RFX7: variants seen among roughly 807,000 people sequenced by gnomAD.
RFX7 encodes regulatory factor X7.
In RFX7, 26 loss-of-function variants were observed where a neutral mutation model predicts 111.8. The observed-to-expected ratio is 0.23, with a 90% CI of 0.17 to 0.32. RFX7 has a LOEUF of 0.32. Ranked by LOEUF, RFX7 falls within the 10% of genes least tolerant of loss-of-function variation. The pLI is 1.00. For synonymous variants in RFX7, 624 were observed against 624.4 expected (o/e 1.00, Z 0.01); for missense variants, 1,573 against 1,772.9 (o/e 0.89, Z 2.02).
At chr15:56,160,766 A>G (rs988028601) in intron 3 of RFX7, 3 of 152,062 alleles carry the variant, frequency 2.0e-5, no homozygotes, top group Admixed American at 2.0e-4. Context: ...GGATTGAGTA[A>G]GGAAGATAGA....
chr15:56,109,770 C>T (rs2041886227), intron 5 of RFX7, among the ~76,000 whole-genome samples: 2 of 151,382 alleles, frequency 1.3e-5, no homozygotes, highest in South Asian at 4.2e-4. Flanking sequence ...CTCTGCCTGG[C>T]AACCGCCCTG....
At chr15:56,135,283 CCTGA>C (rs1438146479) in intron 5 of RFX7, among the ~76,000 whole-genome samples, 2 of 151,870 alleles carry the variant, frequency 1.3e-5, no homozygotes, top group Non-Finnish European at 2.9e-5. Context: ...CCTGTTGTTT[CCTGA>C]CTTTTTAATG....
chr15:56,111,661 C>CAAAAAAAAAAAAAAAAAAACCA (rs2041934754), intron 5 of RFX7, among the ~76,000 whole-genome samples: 17 of 95,486 alleles, frequency 1.8e-4, no homozygotes, highest in Non-Finnish European at 2.6e-4. Flanking sequence ...ATAAATAAAC[C>CAAAAAAAAAAAAAAAAAAACCA]AAAAAAAAAA....
intron 5 of RFX7, among the ~76,000 whole-genome samples, chr15:56,107,502 T>C (rs1490913745): frequency 2.0e-5 from 3 of 152,100 alleles, no homozygotes; most frequent in African/African-American, 7.2e-5. Flanking sequence ...AGGTAAACAT[T>C]GTTTAATGGT....
rs144270970 is a variant in RFX7 at position 56,193,884 on chromosome 15, T to G, written c.162-14581A>C. ...AAGAAATAATAAATTTTAGGAAGCA[T>G]GTGTTTAAAAATTAAAAAAACTTAG... On this transcript the variant is annotated intron_variant, in intron 2 of 9. Coordinates refer to ENST00000559447, the MANE Select transcript of RFX7 (RefSeq NM_022841.7). Among the ~76,000 whole-genome samples, 544 of 152,274 alleles carry G rather than the reference T, an allele frequency of 3.6e-3. 3 individuals are homozygous for G. The highest frequency in any genetic ancestry group is 0.012 in the African/African-American group (516 of 41,560).
Position 56,095,370 on chromosome 15 carries a change from A to G in RFX7, c.2358T>C (p.Thr786=), listed in dbSNP as rs556034288. The change falls in exon 10 of 10, where the codon ACT becomes ACC. Residue 786 remains threonine (T), a synonymous_variant. Transcript: ENST00000559447. The part of the protein sequence containing the change: ...SFNPNGWQQI[T]KDSEFISASC... ...TGGCAGATATAAACTCAGAATCTTT[A>G]GTGATTTGTTGCCATCCATTTGGAT... 2 of 1,613,840 alleles carry G rather than the reference A, an allele frequency of 1.2e-6. No individual in the cohort carries two copies. The highest frequency in any genetic ancestry group is 4.5e-5 in the East Asian group (2 of 44,886).
chr15:56,213,627 G>T (rs1387312326), intron 2 of RFX7, among the ~76,000 whole-genome samples: 4 of 152,172 alleles, frequency 2.6e-5, no homozygotes, highest in Non-Finnish European at 5.9e-5. Context: ...TGTTTTGGTT[G>T]TGACAGTGTA....
At chr15:56,099,146 G>A (rs1285488948) in intron 8 of RFX7, among the ~76,000 whole-genome samples, 4 of 152,098 alleles carry the variant, frequency 2.6e-5, no homozygotes, top group Admixed American at 6.5e-5. Context: ...CAGATTTAGG[G>A]CGTGGCATTG....
At chr15:56,113,215 C>T (rs2041962324) in intron 5 of RFX7, among the ~76,000 whole-genome samples, 2 of 152,166 alleles carry the variant, frequency 1.3e-5, no homozygotes, top group Admixed American at 1.3e-4. Flanking sequence ...ATGTTTACTG[C>T]AGCACTATTC....
At position 56,141,717 on chromosome 15, in the gene RFX7, A is replaced by G. The variant is rs533487060; in HGVS notation, c.401+1061T>C. On this transcript the variant is annotated intron_variant, in intron 5 of 9. Coordinates refer to ENST00000559447, the MANE Select transcript of RFX7 (RefSeq NM_022841.7). Reference sequence around the variant, plus strand: ...AAGGGCAAGGGCTGTGACTGTTTACAATTGTATCCTGAGAACTTATCACAG... The same window carrying G: ...AAGGGCAAGGGCTGTGACTGTTTACGATTGTATCCTGAGAACTTATCACAG... Among the ~76,000 whole-genome samples the G allele has an allele frequency of 3.2e-3, 455 of 141,004 alleles. 1 individual carries two copies. The highest frequency in any genetic ancestry group is 0.012 in the African/African-American group (432 of 36,632). The allele number at this position is 141,004 out of a possible 152,430, so 92.5% of individuals were successfully genotyped here.
chr15:56,204,620 A>G (rs1477709630), intron 2 of RFX7, among the ~76,000 whole-genome samples: 3 of 152,210 alleles, frequency 2.0e-5, no homozygotes, highest in Non-Finnish European at 4.4e-5. Context: ...CTAAATGATC[A>G]GGAACACCTT....
At position 56,093,206 on chromosome 15, in the gene RFX7, A is replaced by T; in HGVS notation, c.*139T>A. On this transcript the variant is annotated 3_prime_UTR_variant, in exon 10 of 10. Coordinates refer to ENST00000559447, the MANE Select transcript of RFX7 (RefSeq NM_022841.7). The stretch of plus-strand genomic sequence containing the variant: ...ACTGAGGCAAGTCTAACCATTTCCT[A>T]CTGAAGAAACCACTTCTGCAGCAAA... 1.4e-6 allele frequency: 1 copy of T among 730,570 alleles called. No homozygotes were observed. Among genetic ancestry groups the T allele is most frequent in the Non-Finnish European group, 2.2e-6 (1 of 461,956 alleles). 45.3% of individuals were successfully genotyped at this position (730,570 alleles called of 1,614,324 possible). A position where few individuals can be genotyped will look rare whatever the true frequency, so the allele number is the denominator to read the frequency against.
chr15:56,242,958 G>C (rs867418225), intron 2 of RFX7, among the ~76,000 whole-genome samples, 167 bp downstream of exon 2: 1 of 152,206 alleles, frequency 6.6e-6, no homozygotes, highest in African/African-American at 2.4e-5. Context: ...TTGATGCAAA[G>C]TCCGCACACC....
chr15:56,103,793 A>C (rs139283515), intron 5 of RFX7, 123 bp from the exon 6 acceptor site: 2 of 637,572 alleles, frequency 3.1e-6, no homozygotes, highest in East Asian at 5.5e-5. Flanking sequence ...GTCATTTGCC[A>C]CAATGTCTAT....
intron 3 of RFX7, among the ~76,000 whole-genome samples, chr15:56,172,812 G>GAAA (rs1183138264): frequency 6.6e-6 from 1 of 152,192 alleles, no homozygotes; most frequent in Non-Finnish European, 1.5e-5. Context: ...AAGAGGGTGT[G>GAAA]AAGGGGCCTA....
chr15:56,091,536 C>CA lies in RFX7; in HGVS notation c.*1808dup, dbSNP rs1420643736. Reference sequence around the variant, plus strand: ...TGTAAACAAGGGATTAGAATGGCCTCAAAATCTCCTTTTCAGAGTATCTCA... The same window carrying CA: ...TGTAAACAAGGGATTAGAATGGCCTCAAAAATCTCCTTTTCAGAGTATCTCA... On this transcript the variant is annotated 3_prime_UTR_variant, in exon 10 of 10. Coordinates refer to ENST00000559447, the MANE Select transcript of RFX7 (RefSeq NM_022841.7). The CA allele has an allele frequency of 1.3e-5, 2 of 152,446 alleles. No individual in the cohort carries two copies. The highest frequency in any genetic ancestry group is 2.4e-5 in the African/African-American group (1 of 41,420). The allele number at this position is 152,446 out of a possible 1,614,324, so 9.4% of individuals were successfully genotyped here. A position where few individuals can be genotyped will look rare whatever the true frequency, so the allele number is the denominator to read the frequency against.
At chr15:56,118,813 C>T (rs377556111) in intron 5 of RFX7, among the ~76,000 whole-genome samples, 1 of 152,196 alleles carries the variant, frequency 6.6e-6, no homozygotes, top group Non-Finnish European at 1.5e-5. Context: ...TTCCCACCAA[C>T]AGTGTATGAA....
chr15:56,193,963 C>T (rs1463089056), intron 2 of RFX7, among the ~76,000 whole-genome samples: 7 of 151,906 alleles, frequency 4.6e-5, no homozygotes, highest in African/African-American at 9.7e-5. Flanking sequence ...GTAACATTTC[C>T]CTTTATTCAA....
At chr15:56,150,625 G>A (rs150497759) in intron 3 of RFX7, among the ~76,000 whole-genome samples, 27 of 152,264 alleles carry the variant, frequency 1.8e-4, no homozygotes, top group African/African-American at 2.6e-4. Context: ...AACGCAAAAC[G>A]GCTAACAATT....
Sources: allele counts gnomAD v4.1 joint callset (sites outside exome capture counted in the v4.1 genomes callset), GRCh38; gene constraint gnomAD v4.1.1; transcripts MANE v1.5; gene names NCBI Gene and HGNC (gene_info 2026-07-23, HGNC 2026-07-21).